SLC18A2: variants seen among roughly 807,000 people sequenced by gnomAD.
The protein encoded by SLC18A2 is synaptic vesicular amine transporter.
SLC18A2 carries 33 observed loss-of-function variants against 59.2 expected under a neutral mutation model. The ratio of observed to expected loss-of-function variants is 0.56; its 90% CI spans 0.42 to 0.75. The LOEUF is 0.75. Among genes scored for constraint, SLC18A2 ranks in the 30% least tolerant of loss-of-function variants. SLC18A2 has a pLI of 0.00. For missense variants in SLC18A2, 569 were observed against 668.6 expected, an observed-to-expected ratio of 0.85 and a Z score of 1.64; for synonymous variants, 228 against 253.5, an observed-to-expected ratio of 0.90 and a Z score of 0.95.
chr10:117,253,516 CATG>C, intron 4 of SLC18A2, 59 bp downstream of exon 4: 9 of 1,046,204 alleles, frequency 8.6e-6, no homozygotes, highest in Admixed American at 2.1e-5. Context: ...CATTGATGCC[CATG>C]AGCCGGGAAT....
intron 3 of SLC18A2, among the ~76,000 whole-genome samples, chr10:117,248,709 C>T (rs892586932): frequency 2.0e-5 from 3 of 152,322 alleles, no homozygotes; most frequent in Middle Eastern, 3.4e-3. Context: ...TGGGACAACA[C>T]GTTTACATTT....
At chr10:117,242,650 G>T (rs1844068576) in intron 2 of SLC18A2, among the ~76,000 whole-genome samples, 2 of 152,190 alleles carry the variant, frequency 1.3e-5, no homozygotes, top group Non-Finnish European at 2.9e-5. Context: ...CGGCTCGAAT[G>T]CTCCATTGGA....
intron 3 of SLC18A2, among the ~76,000 whole-genome samples, chr10:117,252,155 T>TC (rs1463701810): frequency 7.1e-6 from 1 of 140,656 alleles, no homozygotes; most frequent in East Asian, 2.0e-4. Context: ...TTTTTTTTTT[T>TC]TTTTTTTTAG....
Position 117,255,526 on chromosome 10 carries a change from A to G in SLC18A2, c.834+4A>G, listed in dbSNP as rs1328183253. 6.2e-7 allele frequency: 1 copy of G among 1,614,116 alleles called. No individual in the cohort carries two copies. The highest frequency in any genetic ancestry group is 1.1e-5 in the South Asian group (1 of 91,086). The stretch of plus-strand genomic sequence containing the variant: ...GCCGTCCCGGGTGCAGCCAGAGGTA[A>G]GCGGCTGGGAATGAGGGCCCTGGGG... On this transcript the variant is annotated splice_donor_region_variant and intron_variant, in intron 8 of 15. Coordinates refer to ENST00000644641, the MANE Select transcript of SLC18A2 (RefSeq NM_003054.6).
intron 10 of SLC18A2, among the ~76,000 whole-genome samples, chr10:117,266,089 C>CAAA (rs35533634): frequency 7.6e-4 from 54 of 71,450 alleles, no homozygotes; most frequent in South Asian, 2.2e-3. Flanking sequence ...GACTCCATCT[C>CAAA]AAAAAAAAAA....
rs185965469 is a variant in SLC18A2 at position 117,267,516 on chromosome 10, G to A, written c.1123-157G>A. On this transcript the variant is annotated intron_variant, in intron 12 of 15. Transcript: ENST00000644641. ...AGCTTTGACTTTTAAAGATTTGGAG[G>A]GTCCGGTTCTTCACAAACCCCACCC... 4 of 507,922 alleles carry A rather than the reference G, an allele frequency of 7.9e-6. No individual in the cohort carries two copies. In the Admixed American group the frequency reaches 1.2e-4, roughly 16 times the overall value. The allele number at this position is 507,922 out of a possible 1,614,324, so 31.5% of individuals were successfully genotyped here.
At chr10:117,246,850 C>T (rs1844115019) in intron 3 of SLC18A2, among the ~76,000 whole-genome samples, 1 of 152,106 alleles carries the variant, frequency 6.6e-6, no homozygotes, top group African/African-American at 2.4e-5. Flanking sequence ...GACGAGGTTT[C>T]ACCATGTTGG....
chr10:117,244,054 G>C lies in SLC18A2; in HGVS notation c.205G>C (p.Ala69Pro). 6.2e-7 allele frequency: 1 copy of C among 1,614,144 alleles called. No homozygotes were observed. ...CCAGACGGCCAGGCCAGTGCACACT[G>C]CCTCCATCTCAGACAGCTTCCAGAG... ...EIQTARPVHTASISDSFQSIF... is the reference protein window; with the variant it reads ...EIQTARPVHTPSISDSFQSIF... Residue 69 changes from alanine (A) to proline (P), a missense_variant, in exon 3 of 16, where the codon GCC becomes CCC. Transcript: ENST00000644641.
intron 13 of SLC18A2, chr10:117,268,816 A>C (rs531333378): frequency 4.0e-5 from 6 of 148,620 alleles, no homozygotes; most frequent in African/African-American, 1.5e-4. Flanking sequence ...ATGTGTGTGT[A>C]TGTATGTTTA....
chr10:117,255,892 T>C (rs1844224038), intron 9 of SLC18A2, among the ~76,000 whole-genome samples: 2 of 152,216 alleles, frequency 1.3e-5, no homozygotes, highest in African/African-American at 4.8e-5. Context: ...CAAAATGGCG[T>C]ATGCTGGGCT....
chr10:117,273,681 T>C (rs1267580549), intron 15 of SLC18A2, among the ~76,000 whole-genome samples: 2 of 152,212 alleles, frequency 1.3e-5, no homozygotes, highest in Non-Finnish European at 2.9e-5. Context: ...TGCAAAACCA[T>C]CATTGCTTTT....
At chr10:117,262,292 G>A (rs934026157) in intron 10 of SLC18A2, among the ~76,000 whole-genome samples, 2 of 152,216 alleles carry the variant, frequency 1.3e-5, no homozygotes, top group Non-Finnish European at 2.9e-5. Flanking sequence ...CAGTGAAGGA[G>A]GAAGGATTCT....
rs988343627 is a variant in SLC18A2, at chr10:117,269,021, C to T, written c.1187-1050C>T. On this transcript the variant is annotated intron_variant, in intron 13 of 15. Coordinates refer to ENST00000644641, the MANE Select transcript of SLC18A2 (RefSeq NM_003054.6). This position sits in a 1 kb window ranked among gnomAD's most constrained non-coding sequence, Gnocchi z 5.1. ...AAACACACATACACACACTGACACA[C>T]GCATACACACACACATACACACATA... is the stretch of plus-strand genomic sequence containing the variant. 4.6e-5 allele frequency among the ~76,000 whole-genome samples: 7 copies of T among 151,546 alleles called. No individual in the cohort carries two copies. The highest frequency in any genetic ancestry group is 2.1e-4 in the South Asian group (1 of 4,782).
At chr10:117,242,714 G>A (rs1434924291) in intron 2 of SLC18A2, among the ~76,000 whole-genome samples, 1 of 152,102 alleles carries the variant, frequency 6.6e-6, no homozygotes, top group Non-Finnish European at 1.5e-5. Context: ...TGTATTTTTT[G>A]TTGTTGCTTT....
chr10:117,268,875 G>C (rs1844381599), intron 13 of SLC18A2, among the ~76,000 whole-genome samples: 1 of 151,690 alleles, frequency 6.6e-6, no homozygotes, highest in African/African-American at 2.4e-5. Flanking sequence ...TGTGTGTTGT[G>C]TGTATGAGTG....
At chr10:117,246,891 T>C (rs969826683) in intron 3 of SLC18A2, among the ~76,000 whole-genome samples, 8 of 152,198 alleles carry the variant, frequency 5.3e-5, no homozygotes, top group African/African-American at 1.4e-4. Context: ...TGACCTCAGG[T>C]GATCTGCCCA....
intron 3 of SLC18A2, among the ~76,000 whole-genome samples, chr10:117,246,349 T>G (rs1382199539): frequency 6.6e-6 from 1 of 152,182 alleles, no homozygotes; most frequent in Non-Finnish European, 1.5e-5. Flanking sequence ...AAAAATCCCA[T>G]TCTTATTTTT....
At chr10:117,260,590 T>A (rs999933765) in intron 10 of SLC18A2, among the ~76,000 whole-genome samples, 1 of 152,240 alleles carries the variant, frequency 6.6e-6, no homozygotes, top group African/African-American at 2.4e-5. Flanking sequence ...AGAAAAACTA[T>A]AGATTCAGTC....
chr10:117,256,892 C>A (rs547712835), intron 9 of SLC18A2, among the ~76,000 whole-genome samples: 6 of 152,162 alleles, frequency 3.9e-5, no homozygotes, highest in Non-Finnish European at 7.3e-5. Flanking sequence ...TTCCCTGGAA[C>A]CTCACTGCCT....
Sources: gnomAD v4.1 joint callset for allele counts (sites outside exome capture counted in the v4.1 genomes callset) on GRCh38, gnomAD v4.1.1 for gene constraint, Gnocchi (gnomAD v3.1) non-coding constraint, MANE v1.5 for transcripts, NCBI Gene and HGNC (gene_info 2026-07-23, HGNC 2026-07-21) for gene names.